Variants in TFB1M observed in about 807,000 individuals in gnomAD.
TFB1M encodes transcription factor B1, mitochondrial.
In TFB1M, 27 loss-of-function variants were observed where a neutral mutation model predicts 31.1. The ratio of observed to expected loss-of-function variants is 0.87; its 90% confidence interval spans 0.64 to 1.20. The LOEUF (loss-of-function observed/expected upper bound fraction) is 1.20. Ranked by LOEUF, TFB1M falls within the 50% of genes most tolerant of loss-of-function variation. The pLI is 0.00. For missense variants in TFB1M, 394 were observed against 418.7 expected (o/e 0.94, Z 0.51); for synonymous variants, 166 against 151.8 (o/e 1.09, Z -0.69).
intron 2 of TFB1M, among the ~76,000 whole-genome samples, chr6:155,305,606 T>TATATTAAATTATATATTTATATATAA (rs1562425850): frequency 8.6e-5 from 1 of 11,666 alleles, no homozygotes; most frequent in African/African-American, 5.2e-4. Context: ...TATATAAATA[T>TATATTAAATTATATATTTATATATAA]ATATATATTA....
the TFB1M span, among the ~76,000 whole-genome samples, chr6:155,231,420 T>C: frequency 6.6e-6 from 1 of 152,228 alleles, no homozygotes; most frequent in Non-Finnish European, 1.5e-5. Flanking sequence ...TTTCATACAA[T>C]TTCCCTGGAG....
At chr6:155,295,936 T>G (rs534757592) in intron 4 of TFB1M, among the ~76,000 whole-genome samples, 1 of 152,316 alleles carries the variant, frequency 6.6e-6, no homozygotes, top group Non-Finnish European at 1.5e-5. Context: ...CACTTGTAGA[T>G]TTTGGTATTT....
intron 5 of TFB1M, chr6:155,275,875 G>T: frequency 1.2e-6 from 2 of 1,614,166 alleles, no homozygotes; most frequent in Non-Finnish European, 1.7e-6. Flanking sequence ...GGCTCTGGAT[G>T]GACTGTACGT....
the TFB1M span, among the ~76,000 whole-genome samples, chr6:155,248,836 CA>C: frequency 6.6e-6 from 1 of 152,064 alleles, no homozygotes; most frequent in Non-Finnish European, 1.5e-5. Context: ...CTAGGAGGTC[CA>C]ATTAAACCAT....
chr6:155,245,775 T>C, the TFB1M span: 1 of 1,092,244 alleles, frequency 9.2e-7, no homozygotes, highest in Non-Finnish European at 1.3e-6. Context: ...TTTTTTGCAT[T>C]TTTAACTGTT....
the TFB1M span, among the ~76,000 whole-genome samples, chr6:155,246,519 T>C: frequency 9.2e-5 from 14 of 152,160 alleles, no homozygotes; most frequent in Non-Finnish European, 1.8e-4. Context: ...AAAATGTTCG[T>C]AGAAATGGGT....
chr6:155,297,128 C>A, intron 3 of TFB1M, 24 bp from the exon 4 acceptor site: 1 of 1,610,070 alleles, frequency 6.2e-7, no homozygotes, highest in South Asian at 1.1e-5. Flanking sequence ...AAAAAACAAC[C>A]TGAAATGATT....
At position 155,298,505 on chromosome 6, in the gene TFB1M, T is replaced by C. The variant is rs1327562555; in HGVS notation, c.366A>G (p.Ser122=). 1 of 1,612,056 alleles carries C rather than the reference T, an allele frequency of 6.2e-7. No individual in the cohort carries two copies. Among genetic ancestry groups the C allele is most frequent in the East Asian group, 2.2e-5 (1 of 44,782 alleles). Residue 122 remains serine (S), a synonymous_variant, in exon 3 of 7, where the codon TCA becomes TCG. Transcript: ENST00000367166. ...CTTCCCAGGGTCTTTTAAGACTTTC[T>C]GAAAAAGCCTTTTCTACCTTAAATG... ...VLTFKVEKAF[S]ESLKRPWEDD...
downstream of TFB1M, among the ~76,000 whole-genome samples, chr6:155,252,463 T>C (rs528675884): frequency 4.0e-4 from 61 of 152,290 alleles, 1 homozygote; most frequent in South Asian, 9.3e-3. Flanking sequence ...AGTGAGACCC[T>C]GTCAATAAAT....
Position 155,286,159 on chromosome 6 carries a change from C to T in TFB1M, c.547-882G>A, listed in dbSNP as rs1011227808. ...TGCTAACAGAAAAGGAAGGATCATTCGGTAAGTGACACCGGTGTAATTAGA... is the reference window on the plus strand; with the variant it reads ...TGCTAACAGAAAAGGAAGGATCATTTGGTAAGTGACACCGGTGTAATTAGA... On this transcript the variant is annotated intron_variant, in intron 4 of 6. Transcript: ENST00000367166. Among the ~76,000 whole-genome samples the T allele has an allele frequency of 5.3e-5, 8 of 152,122 alleles. No individual in the cohort carries two copies. In the South Asian group the frequency reaches 1.0e-3, roughly 20 times the overall value.
intron 4 of TFB1M, among the ~76,000 whole-genome samples, chr6:155,294,164 T>C (rs1230262633): frequency 6.6e-6 from 1 of 152,166 alleles, no homozygotes; most frequent in Non-Finnish European, 1.5e-5. Context: ...TTAAAAATAG[T>C]AAAATTGCTT....
At chr6:155,304,209 G>C (rs990150616) in intron 2 of TFB1M, among the ~76,000 whole-genome samples, 2 of 152,104 alleles carry the variant, frequency 1.3e-5, no homozygotes, top group Non-Finnish European at 2.9e-5. Flanking sequence ...TTGAGCCTGG[G>C]AGGTGGAGCT....
chr6:155,242,826 C>G, the TFB1M span, among the ~76,000 whole-genome samples: 1 of 152,134 alleles, frequency 6.6e-6, no homozygotes, highest in African/African-American at 2.4e-5. Flanking sequence ...ACCTCCACCT[C>G]CTGAGTTCAA....
At chr6:155,242,130 G>C in the TFB1M span, among the ~76,000 whole-genome samples, 1 of 152,104 alleles carries the variant, frequency 6.6e-6, no homozygotes, top group Non-Finnish European at 1.5e-5. Flanking sequence ...TTTTCTTAGG[G>C]CCCCCCTGGG....
At chr6:155,296,835 T>C in intron 4 of TFB1M, 118 bp downstream of exon 4, 1 of 987,294 alleles carries the variant, frequency 1.0e-6, no homozygotes, top group East Asian at 2.6e-5. Flanking sequence ...TGCTGGGTTC[T>C]TGTGTGTGTA....
the TFB1M span, among the ~76,000 whole-genome samples, chr6:155,231,417 C>T: frequency 6.6e-6 from 1 of 152,192 alleles, no homozygotes; most frequent in Non-Finnish European, 1.5e-5. Flanking sequence ...AAATTTCATA[C>T]AATTTCCCTG....
chr6:155,273,165 A>AT (rs1373716046), intron 5 of TFB1M, among the ~76,000 whole-genome samples: 1 of 152,184 alleles, frequency 6.6e-6, no homozygotes, highest in South Asian at 2.1e-4. Context: ...CATGTGCTTG[A>AT]TTTTTTTTCT....
chr6:155,283,298 G>A (rs1314244927), intron 5 of TFB1M, among the ~76,000 whole-genome samples: 2 of 152,212 alleles, frequency 1.3e-5, no homozygotes, highest in Non-Finnish European at 2.9e-5. Flanking sequence ...CGGTGTGGTG[G>A]TGCACACCTA....
At chr6:155,261,939 T>A (rs1784411113) in intron 5 of TFB1M, among the ~76,000 whole-genome samples, 1 of 152,238 alleles carries the variant, frequency 6.6e-6, no homozygotes, top group Non-Finnish European at 1.5e-5. Flanking sequence ...AACTAAGATG[T>A]CAAATGCTCT....
Sources: allele counts gnomAD v4.1 joint callset (sites outside exome capture counted in the v4.1 genomes callset), GRCh38; gene constraint gnomAD v4.1.1; transcripts MANE v1.5; gene names NCBI Gene and HGNC (gene_info 2026-07-23, HGNC 2026-07-21).